Variants in WWTR1 observed in about 807,000 individuals in gnomAD.
WWTR1 encodes WW domain containing transcription regulator 1.
WWTR1 carries 13 observed loss-of-function variants against 40.1 expected under a neutral mutation model. The ratio of observed to expected loss-of-function variants is 0.32; its 90% CI spans 0.21 to 0.52. The LOEUF is 0.52. Ranked by LOEUF, WWTR1 falls within the 20% of genes least tolerant of loss-of-function variation. WWTR1 has a pLI of 0.97. For synonymous variants in WWTR1, 230 were observed against 210.1 expected, an observed-to-expected ratio of 1.09 and a Z score of -0.82; for missense variants, 436 against 523.1, an observed-to-expected ratio of 0.83 and a Z score of 1.63.
At chr3:149,582,133 T>C (rs537987591) in intron 2 of WWTR1, among the ~76,000 whole-genome samples, 5 of 152,174 alleles carry the variant, frequency 3.3e-5, no homozygotes, top group Admixed American at 3.3e-4. Flanking sequence ...CTTCAGAAGG[T>C]GAACAGTTCA....
In WWTR1 at chr3:149,657,096, C is replaced by T; in HGVS notation, c.211G>A (p.Gly71Ser). The change falls in exon 2 of 7, where the codon GGC (glycine) becomes AGC (serine). Residue 71 changes from glycine to serine, a missense_variant. Coordinates refer to ENST00000360632, the MANE Select transcript of WWTR1 (RefSeq NM_015472.6). ...GCCAGTCGAGGCCCCGGGTGGCCGC[C>T]CGACGAGTCGGTGCTGGACTGGCGC... is the stretch of plus-strand genomic sequence containing the variant. ...HSRQSSTDSS[G>S]GHPGPRLAGG... 6.4e-7 allele frequency: 1 copy of T among 1,574,694 alleles called. No homozygotes were observed. The highest frequency in any genetic ancestry group is 8.6e-7 in the Non-Finnish European group (1 of 1,163,358).
intron 2 of WWTR1, among the ~76,000 whole-genome samples, chr3:149,582,429 A>G (rs1267302638): frequency 6.6e-6 from 1 of 151,968 alleles, no homozygotes; most frequent in East Asian, 1.9e-4. Context: ...CAATAATGCT[A>G]TTAAAAAATG....
In WWTR1 at chr3:149,558,066, G is replaced by A. The variant is rs1686009052; in HGVS notation, c.568+14798C>T. On this transcript the variant is annotated intron_variant, in intron 3 of 6. Coordinates refer to ENST00000360632, the MANE Select transcript of WWTR1 (RefSeq NM_015472.6). ...TGCAAGAGTAGGGAACAAATGAATG[G>A]AAGCATCATAATTTCATTTTAAAAC... is the stretch of plus-strand genomic sequence containing the variant. 2.0e-5 allele frequency among the ~76,000 whole-genome samples: 3 copies of A among 151,934 alleles called. No homozygotes were observed. In the South Asian group the frequency reaches 6.3e-4, roughly 32 times the overall value.
intron 3 of WWTR1, among the ~76,000 whole-genome samples, chr3:149,557,378 G>A (rs1736878157): frequency 6.6e-6 from 1 of 152,010 alleles, no homozygotes; most frequent in Non-Finnish European, 1.5e-5. Flanking sequence ...GGCCACTACT[G>A]TAATTTCTTT....
At chr3:149,529,400 A>G (rs1663657136) in intron 4 of WWTR1, among the ~76,000 whole-genome samples, 1 of 152,176 alleles carries the variant, frequency 6.6e-6, no homozygotes, top group South Asian at 2.1e-4. Context: ...AAACCATGAG[A>G]GACCTGATTG....
At chr3:149,625,786 A>G (rs2108096252) in intron 2 of WWTR1, among the ~76,000 whole-genome samples, 1 of 151,952 alleles carries the variant, frequency 6.6e-6, no homozygotes, top group Non-Finnish European at 1.5e-5. Context: ...GCGAGATTCC[A>G]AATAAAAAAA....
rs533294495 is a variant in WWTR1, at chr3:149,711,412, T to C, written n.584+6030A>G. Among the ~76,000 whole-genome samples the C allele has an allele frequency of 6.6e-4, 101 of 152,344 alleles. 2 individuals are homozygous for C. The highest frequency in any genetic ancestry group is 2.3e-3 in the African/African-American group (96 of 41,578). ...AAAATAATAAATAATTCTACTATTA[T>C]TATTAACACAACTTGTCAGAAGTGA... On this transcript the variant is annotated intron_variant and non_coding_transcript_variant, in intron 5 of 6. Coordinates refer to the WWTR1 transcript ENST00000474080.
chr3:149,622,486 G>GAAAGAAAGAAAGAAAAGA (rs1560089630), intron 2 of WWTR1, among the ~76,000 whole-genome samples: 1 of 94,382 alleles, frequency 1.1e-5, no homozygotes, highest in African/African-American at 3.7e-5. Context: ...AGGAAGGAAG[G>GAAAGAAAGAAAGAAAAGA]AAGGAAGGAA....
chr3:149,523,925 C>T (rs2107900268), intron 6 of WWTR1, among the ~76,000 whole-genome samples: 1 of 152,342 alleles, frequency 6.6e-6, no homozygotes, highest in Admixed American at 6.5e-5. Context: ...TAACTTGGCA[C>T]TCACATTCCC....
At position 149,535,494 on chromosome 3, in the gene WWTR1, C is replaced by G. The variant is rs190787593; in HGVS notation, c.771+6841G>C. Among the ~76,000 whole-genome samples the G allele has an allele frequency of 5.1e-3, 781 of 152,212 alleles. 7 individuals carry two copies. Among genetic ancestry groups the G allele is most frequent in the African/African-American group, 0.017 (715 of 41,528 alleles). On this transcript the variant is annotated intron_variant, in intron 4 of 6. Transcript: ENST00000360632. ...TTTGAAACAACTCATCACTAATGCTCAGCTGCCAGACTGTCCCTACAAAAG... is the reference window on the plus strand; with the variant it reads ...TTTGAAACAACTCATCACTAATGCTGAGCTGCCAGACTGTCCCTACAAAAG...
chr3:149,664,213 G>C (rs1461113907), intron 2 of WWTR1, among the ~76,000 whole-genome samples: 1 of 152,232 alleles, frequency 6.6e-6, no homozygotes, highest in African/African-American at 2.4e-5. Context: ...AAAATTCCCA[G>C]AGCCAGGGTT....
chr3:149,719,218 G>C (rs1715688749), intron 4 of WWTR1, among the ~76,000 whole-genome samples: 1 of 151,072 alleles, frequency 6.6e-6, no homozygotes, highest in Non-Finnish European at 1.5e-5. Flanking sequence ...GCCCAGGCTG[G>C]GGTGCAGTGG....
At position 149,709,722 on chromosome 3, in the gene WWTR1, T is replaced by C. The variant is rs145467541; in HGVS notation, n.585-6394A>G. On this transcript the variant is annotated intron_variant and non_coding_transcript_variant, in intron 5 of 6. Transcript: ENST00000474080. ...GAGTTTGAGACCAGCCTGATCAACT[T>C]GGTGAAATCCTGTCTCTACTAAAAA... Among the ~76,000 whole-genome samples, 503 of 152,134 alleles carry C rather than the reference T, an allele frequency of 3.3e-3. 3 individuals are homozygous for C. Among genetic ancestry groups the C allele is most frequent in the Non-Finnish European group, 3.9e-3 (263 of 67,986 alleles).
intron 1 of WWTR1, among the ~76,000 whole-genome samples, chr3:149,676,922 C>CTT (rs370634233): frequency 1.4e-5 from 2 of 141,470 alleles, no homozygotes. Context: ...CCTTGAGACT[C>CTT]TTTTTTTTTT....
intron 4 of WWTR1, among the ~76,000 whole-genome samples, chr3:149,541,887 A>G (rs1190500723): frequency 6.6e-6 from 1 of 152,084 alleles, no homozygotes; most frequent in Admixed American, 6.6e-5. Context: ...CAACCCACCT[A>G]CCAGTTGAAT....
intron 1 of WWTR1, chr3:149,657,544 TGGA>T (rs768422917): frequency 4.2e-4 from 231 of 551,198 alleles, no homozygotes; most frequent in Middle Eastern, 1.4e-3. Context: ...AGAAGTTGCC[TGGA>T]GGAGGAGAAG....
chr3:149,669,879 T>C (rs1398100577), exon 2 of WWTR1: 1 of 152,174 alleles, frequency 6.6e-6, no homozygotes, highest in African/African-American at 2.4e-5. Context: ...CAGAGATGTA[T>C]TGGGGAAAAT....
At chr3:149,578,773 G>A (rs879858607) in intron 2 of WWTR1, among the ~76,000 whole-genome samples, 4 of 152,012 alleles carry the variant, frequency 2.6e-5, no homozygotes, top group Non-Finnish European at 5.9e-5. Context: ...GGTGCTACTC[G>A]GGAGGCAGAG....
intron 2 of WWTR1, chr3:149,649,024 C>T (rs2108144145): frequency 6.6e-6 from 1 of 152,084 alleles, no homozygotes; most frequent in East Asian, 1.9e-4. Flanking sequence ...CAGAGTTTTG[C>T]TCTTGTTGCC....
Sources: gnomAD v4.1 joint callset for allele counts (sites outside exome capture counted in the v4.1 genomes callset) on GRCh38, gnomAD v4.1.1 for gene constraint, MANE v1.5 for transcripts, NCBI Gene and HGNC (gene_info 2026-07-23, HGNC 2026-07-21) for gene names.